Variants in FRMPD4 observed in about 807,000 individuals in gnomAD.
FRMPD4 encodes the protein FERM and PDZ domain containing 4, also known as FERM and PDZ domain-containing protein 4.
FRMPD4 carries 22 observed loss-of-function variants against 94.1 expected under a neutral mutation model. That is an observed-to-expected ratio of 0.23 (90% confidence interval 0.17 to 0.33). FRMPD4 has a LOEUF of 0.33. Ranked by LOEUF, FRMPD4 falls within the 10% of genes least tolerant of loss-of-function variation. FRMPD4 has a pLI of 1.00. For synonymous variants in FRMPD4, 631 were observed against 548.6 expected (o/e 1.15, Z -2.10); for missense variants, 1,111 against 1,339.9 (o/e 0.83, Z 2.67).
chrX:12,146,043 G>T (rs2055760177), intron 1 of FRMPD4, among the ~76,000 whole-genome samples: 2 of 111,412 alleles, frequency 1.8e-5, no homozygotes, highest in African/African-American at 6.5e-5. Flanking sequence ...TTTGGGTTTG[G>T]CCTGATTCAC....
intron 1 of FRMPD4, among the ~76,000 whole-genome samples, chrX:11,840,331 T>C (rs1194243833): frequency 2.7e-5 from 3 of 111,712 alleles, no homozygotes; most frequent in Non-Finnish European, 3.8e-5. Context: ...TTATATAATA[T>C]TGTGGATGAA....
In FRMPD4 at chrX:12,574,902, T is replaced by C. The variant is rs767272039; in HGVS notation, c.159-34819T>C. Among the ~76,000 whole-genome samples, 23 of 112,201 alleles carry C rather than the reference T, an allele frequency of 2.0e-4. 1 individual carries two copies. Among genetic ancestry groups the C allele is most frequent in the Middle Eastern group, 9.1e-3 (2 of 219 alleles). ...CCCAATAAAATGCCACATTGAAAAT[T>C]AGGCTTTTCCTCTGACACTCTCCTA... On this transcript the variant is annotated intron_variant, in intron 2 of 16. Coordinates refer to ENST00000675598, the MANE Select transcript of FRMPD4 (RefSeq NM_001368397.1).
intron 10 of FRMPD4, 37 bp downstream of exon 10, chrX:12,702,047 C>T (rs777596169): frequency 4.3e-6 from 5 of 1,168,582 alleles, no homozygotes; most frequent in Non-Finnish European, 3.5e-6. Flanking sequence ...CGGAGACAGA[C>T]ATGCCGCCTC....
At chrX:12,236,235 TAA>T (rs997466436) in intron 1 of FRMPD4, among the ~76,000 whole-genome samples, 42 of 112,125 alleles carry the variant, frequency 3.7e-4, no homozygotes, top group African/African-American at 1.3e-3. Flanking sequence ...TCCATATCTG[TAA>T]AATCAGCATT....
intron 1 of FRMPD4, among the ~76,000 whole-genome samples, chrX:12,370,854 A>C (rs1486479867): frequency 8.9e-6 from 1 of 112,069 alleles, no homozygotes; most frequent in African/African-American, 3.2e-5. Flanking sequence ...ATCATTAAGA[A>C]TATTTGGAAC....
chrX:11,870,518 A>G (rs2053750216), intron 2 of FRMPD4, among the ~76,000 whole-genome samples: 1 of 111,666 alleles, frequency 9.0e-6, no homozygotes, highest in African/African-American at 3.3e-5. Flanking sequence ...GGCCTGATTC[A>G]TAATTCTTAT....
At chrX:12,493,413 T>G (rs2057811766) in intron 1 of FRMPD4, among the ~76,000 whole-genome samples, 2 of 111,564 alleles carry the variant, frequency 1.8e-5, no homozygotes, top group African/African-American at 6.5e-5. Context: ...TAGACCTGTA[T>G]AGTATCATGC....
chrX:11,969,399 T>A (rs1047001085), intron 3 of FRMPD4, among the ~76,000 whole-genome samples: 2 of 112,307 alleles, frequency 1.8e-5, no homozygotes, highest in African/African-American at 6.5e-5. Context: ...GGCATTGCCA[T>A]CCTAAGAGTG....
intron 1 of FRMPD4, among the ~76,000 whole-genome samples, chrX:12,199,247 GTGTGTGTGTGTGTGTGTGTGTGTA>G (rs1185555838): frequency 1.0e-5 from 1 of 100,044 alleles, no homozygotes; most frequent in African/African-American, 3.8e-5. Flanking sequence ...ATGTGTGTGT[GTGTGTGTGTGTGTGTGTGTGTGTA>G]TGTGTGTGTG....
At chrX:12,300,170 GA>G (rs2054837269) in intron 1 of FRMPD4, among the ~76,000 whole-genome samples, 1 of 111,622 alleles carries the variant, frequency 9.0e-6, no homozygotes, top group South Asian at 3.8e-4. Context: ...AGAGAGTTTG[GA>G]TTCTCTGACA....
Position 12,281,193 on chromosome X carries a change from ATTCTC to A in FRMPD4, c.41+142183_41+142187del, listed in dbSNP as rs747727205. 9.9e-5 allele frequency among the ~76,000 whole-genome samples: 11 copies of A among 111,295 alleles called. No individual in the cohort carries two copies. The East Asian group carries it at 3.1e-3, about 31-fold the overall frequency. ...TTGGGTGATGGGAGGCTGGCTTTCT[ATTCTC>A]TACAGAAAGCTCCACATAAAATTAG... On this transcript the variant is annotated intron_variant, in intron 1 of 16. Transcript: ENST00000675598.
chrX:12,498,794 C>G lies in FRMPD4; in HGVS notation c.156C>G (p.Ile52Met). 9.8e-7 allele frequency: 1 copy of G among 1,023,997 alleles called. No homozygotes were observed. The highest frequency in any genetic ancestry group is 1.4e-6 in the Non-Finnish European group (1 of 731,487). The allele number at this position is 1,023,997 out of a possible 1,213,427, so 84.4% of individuals were successfully genotyped here. A position where few individuals can be genotyped will look rare whatever the true frequency, so the allele number is the denominator to read the frequency against. The change falls in exon 2 of 17, where the codon ATC (isoleucine) becomes ATG (methionine). Residue 52 changes from isoleucine to methionine, a missense_variant and splice_region_variant. By Grantham distance (10) the Ile-to-Met change is conservative (BLOSUM62 1). Around this residue, in one of 8 missense-constraint regions of FRMPD4, gnomAD observed 140 missense variants for 165.9 expected, o/e 0.84. Coordinates refer to ENST00000675598, the MANE Select transcript of FRMPD4 (RefSeq NM_001368397.1). ...ACCGAGATGGGCGAGACTACTTCAT[C>G]AAGTAGGTTAAACAGATGGCATGAA... Reference protein sequence around the residue: ...TANRDGRDYFINHMTQAIPFD... With the variant: ...TANRDGRDYFMNHMTQAIPFD...
chrX:12,076,760 T>C (rs2055022396), intron 3 of FRMPD4, among the ~76,000 whole-genome samples: 1 of 110,966 alleles, frequency 9.0e-6, no homozygotes, highest in Non-Finnish European at 1.9e-5. Context: ...TGATGGTAAC[T>C]GCTTTTGCTT....
chrX:12,446,958 A>G (rs1394133206), intron 1 of FRMPD4, among the ~76,000 whole-genome samples: 3 of 111,236 alleles, frequency 2.7e-5, no homozygotes, highest in South Asian at 7.7e-4. Flanking sequence ...AGCGTGGGCA[A>G]TCTTGCATAG....
At chrX:12,380,022 G>C (rs956233374) in intron 1 of FRMPD4, among the ~76,000 whole-genome samples, 2 of 111,414 alleles carry the variant, frequency 1.8e-5, no homozygotes, top group Non-Finnish European at 3.8e-5. Flanking sequence ...AGTATTGGAA[G>C]TTTTAGCTTC....
At chrX:12,687,145 G>A (rs2060032848) in intron 7 of FRMPD4, among the ~76,000 whole-genome samples, 1 of 111,792 alleles carries the variant, frequency 8.9e-6, no homozygotes, top group Non-Finnish European at 1.9e-5. Context: ...CCCATTCACT[G>A]TGTATTCTTA....
At chrX:12,416,267 A>G (rs1454038832) in intron 1 of FRMPD4, among the ~76,000 whole-genome samples, 5 of 110,116 alleles carry the variant, frequency 4.5e-5, no homozygotes, top group Non-Finnish European at 9.5e-5. Flanking sequence ...TTGAGCAAGG[A>G]CCACAAAGCA....
intron 1 of FRMPD4, among the ~76,000 whole-genome samples, chrX:12,438,961 C>A (rs1235965192): frequency 1.8e-5 from 2 of 111,040 alleles, no homozygotes; most frequent in Non-Finnish European, 3.8e-5. Flanking sequence ...GTCTTCCGAG[C>A]AGAGGTACTA....
At chrX:12,095,804 C>A (rs1449920901) in intron 3 of FRMPD4, among the ~76,000 whole-genome samples, 2 of 112,364 alleles carry the variant, frequency 1.8e-5, no homozygotes, top group East Asian at 2.8e-4. Flanking sequence ...ATTCTTCATG[C>A]ACATGACAAC....
Sources: gnomAD v4.1 joint callset for allele counts (sites outside exome capture counted in the v4.1 genomes callset) on GRCh38, gnomAD v4.1.1 for gene constraint, gnomAD v4.1.1 regional missense constraint, MANE v1.5 for transcripts, NCBI Gene and HGNC (gene_info 2026-07-23, HGNC 2026-07-21) for gene names.